Variants in KCNAB1 observed in about 807,000 individuals in gnomAD.
KCNAB1 encodes potassium voltage-gated channel subfamily A regulatory beta subunit 1.
In KCNAB1, 35 loss-of-function variants were observed where a neutral mutation model predicts 64.6. That is an observed-to-expected ratio of 0.54 (90% CI 0.41 to 0.72). The LOEUF is 0.72. Ranked by LOEUF, KCNAB1 falls within the 30% of genes least tolerant of loss-of-function variation. The pLI is 0.00. For synonymous variants in KCNAB1, 177 were observed against 183.8 expected (o/e 0.96, Z 0.30); for missense variants, 401 against 512.9 (o/e 0.78, Z 2.11).
At chr3:156,378,691 G>T (rs1455134337) in intron 1 of KCNAB1, among the ~76,000 whole-genome samples, 1 of 152,126 alleles carries the variant, frequency 6.6e-6, no homozygotes, top group Non-Finnish European at 1.5e-5. Context: ...AGTTCTGGAT[G>T]GCGGGCTTCA....
chr3:156,252,174 A>G (rs981607343), intron 1 of KCNAB1, among the ~76,000 whole-genome samples: 6 of 152,246 alleles, frequency 3.9e-5, no homozygotes, highest in Non-Finnish European at 8.8e-5. Flanking sequence ...ACATTGGGAT[A>G]TTGCCTTGGC....
intron 8 of KCNAB1, among the ~76,000 whole-genome samples, chr3:156,479,656 C>G (rs548931659): frequency 6.6e-6 from 1 of 152,216 alleles, no homozygotes; most frequent in East Asian, 1.9e-4. Flanking sequence ...ATTTTAAAAA[C>G]ACTTGGATTT....
At chr3:156,460,058 G>C (rs983033280) in intron 5 of KCNAB1, 187 bp downstream of exon 5, 1 of 518,462 alleles carries the variant, frequency 1.9e-6, no homozygotes, top group Admixed American at 3.6e-5. Context: ...AAAAATTACT[G>C]ACTAGTCATT....
At chr3:156,472,699 A>T (rs1714013291) in intron 7 of KCNAB1, among the ~76,000 whole-genome samples, 1 of 152,234 alleles carries the variant, frequency 6.6e-6, no homozygotes, top group African/African-American at 2.4e-5. Context: ...TCAAGTCCAT[A>T]TCATTAGTTC....
At chr3:156,312,731 A>AAAAAAAAAAC (rs1722007557) in intron 1 of KCNAB1, among the ~76,000 whole-genome samples, 11 of 144,614 alleles carry the variant, frequency 7.6e-5, no homozygotes, top group East Asian at 4.0e-4. Flanking sequence ...AAAAAAAAAA[A>AAAAAAAAAAC]CTCATAATAA....
At chr3:156,465,303 G>A (rs900047492) in intron 6 of KCNAB1, among the ~76,000 whole-genome samples, 29 of 152,136 alleles carry the variant, frequency 1.9e-4, no homozygotes, top group African/African-American at 6.5e-4. Context: ...CCTATGTCAA[G>A]CCTTTTTATT....
chr3:156,280,249 G>A (rs1183315924), intron 1 of KCNAB1, among the ~76,000 whole-genome samples: 1 of 148,962 alleles, frequency 6.7e-6, no homozygotes, highest in African/African-American at 2.5e-5. Context: ...GCTTGTTTTT[G>A]TCAGGTTTGT....
At position 156,536,776 on chromosome 3, in the gene KCNAB1, G is replaced by A; in HGVS notation, c.*29G>A. On this transcript the variant is annotated 3_prime_UTR_variant, in exon 14 of 14. Coordinates refer to ENST00000490337, the MANE Select transcript of KCNAB1 (RefSeq NM_172160.3). The stretch of plus-strand genomic sequence containing the variant: ...AATGCATGAACCACAGAAGCTGCAT[G>A]GTTAAAATAGCGGCCTGTGCCCAGT... 2 of 1,468,386 alleles carry A rather than the reference G, an allele frequency of 1.4e-6. No homozygotes were observed. The highest frequency in any genetic ancestry group is 1.9e-6 in the Non-Finnish European group (2 of 1,047,590). The allele number at this position is 1,468,386 out of a possible 1,614,324, so 91.0% of individuals were successfully genotyped here.
At chr3:156,457,661 C>A in intron 4 of KCNAB1, 129 bp downstream of exon 4, 1 of 760,290 alleles carries the variant, frequency 1.3e-6, no homozygotes, top group Admixed American at 2.1e-5. Flanking sequence ...CTGCTCTGTT[C>A]TGCCCTCTAC....
intron 1 of KCNAB1, among the ~76,000 whole-genome samples, chr3:156,272,674 G>A (rs2108493646): frequency 6.6e-6 from 1 of 152,076 alleles, no homozygotes; most frequent in Admixed American, 6.5e-5. Context: ...AATTAGGGAT[G>A]CCAAGAGCCC....
At chr3:156,486,825 T>G (rs1224563941) in intron 8 of KCNAB1, among the ~76,000 whole-genome samples, 1 of 152,126 alleles carries the variant, frequency 6.6e-6, no homozygotes, top group African/African-American at 2.4e-5. Context: ...GAAAAGAGTT[T>G]GAGTTTGAAG....
chr3:156,401,098 A>G (rs1466223165), intron 1 of KCNAB1, among the ~76,000 whole-genome samples: 1 of 152,218 alleles, frequency 6.6e-6, no homozygotes, highest in Non-Finnish European at 1.5e-5. Flanking sequence ...AGGTGGCCCA[A>G]TCCTCAGGAA....
At chr3:156,236,050 A>G (rs1157498373) in intron 1 of KCNAB1, among the ~76,000 whole-genome samples, 1 of 152,100 alleles carries the variant, frequency 6.6e-6, no homozygotes, top group African/African-American at 2.4e-5. Flanking sequence ...ATTAAATCAG[A>G]CTCTGGTGTG....
At chr3:156,387,389 A>G (rs1712700496) in intron 1 of KCNAB1, among the ~76,000 whole-genome samples, 1 of 152,190 alleles carries the variant, frequency 6.6e-6, no homozygotes, top group Non-Finnish European at 1.5e-5. Flanking sequence ...GCAAACAGAA[A>G]GTGATGCAGG....
At chr3:156,279,357 C>T (rs1358795214) in intron 1 of KCNAB1, among the ~76,000 whole-genome samples, 1 of 151,868 alleles carries the variant, frequency 6.6e-6, no homozygotes, top group Admixed American at 6.6e-5. Context: ...TTCTTAATCC[C>T]GTCTATCATT....
At chr3:156,161,281 A>G (rs1716060314) in intron 1 of KCNAB1, among the ~76,000 whole-genome samples, 1 of 152,140 alleles carries the variant, frequency 6.6e-6, no homozygotes, top group South Asian at 2.1e-4. Flanking sequence ...GATCAACTGC[A>G]TCACCTCACT....
chr3:156,262,981 A>T (rs1024308207), intron 1 of KCNAB1, among the ~76,000 whole-genome samples: 4 of 151,742 alleles, frequency 2.6e-5, no homozygotes, highest in Non-Finnish European at 5.9e-5. Flanking sequence ...TTAATTCTGT[A>T]GGGTCAGAAG....
At chr3:156,370,898 A>G (rs2108126345) in intron 1 of KCNAB1, among the ~76,000 whole-genome samples, 1 of 152,306 alleles carries the variant, frequency 6.6e-6, no homozygotes, top group South Asian at 2.1e-4. Context: ...CGGCACAGGA[A>G]AACTGCAATG....
chr3:156,217,789 CA>C (rs1715417267), intron 1 of KCNAB1, among the ~76,000 whole-genome samples: 1 of 152,198 alleles, frequency 6.6e-6, no homozygotes, highest in Non-Finnish European at 1.5e-5. Flanking sequence ...CCATTTACAA[CA>C]GGGAGTTGTG....
Sources: allele counts gnomAD v4.1 joint callset (sites outside exome capture counted in the v4.1 genomes callset), GRCh38; gene constraint gnomAD v4.1.1; transcripts MANE v1.5; gene names NCBI Gene and HGNC (gene_info 2026-07-23, HGNC 2026-07-21).